TTC34: variants seen among roughly 807,000 people sequenced by gnomAD.
TTC34 encodes tetratricopeptide repeat domain 34, also known as tetratricopeptide repeat protein 34.
In TTC34, 44 loss-of-function variants were observed where a neutral mutation model predicts 40.7. The ratio of observed to expected loss-of-function variants is 1.08; its 90% CI spans 0.85 to 1.39. The LOEUF (loss-of-function observed/expected upper bound fraction) is 1.39, where lower values mean the gene tolerates loss of function less well. TTC34 is among the 40% of genes most tolerant of loss of function. TTC34 has a pLI of 0.00. For synonymous variants in TTC34, 422 were observed against 398.6 expected (o/e 1.06, Z -0.70); for missense variants, 884 against 838.0 (o/e 1.05, Z -0.68).
chr1:2,696,393 C>A (rs1161542482), intron 6 of TTC34, among the ~76,000 whole-genome samples: 1 of 30,914 alleles, frequency 3.2e-5, no homozygotes, highest in Non-Finnish European at 8.6e-5. Flanking sequence ...GAGCAGCACC[C>A]TACACCCCCA....
chr1:2,649,844 C>T (rs1462870039), intron 6 of TTC34, among the ~76,000 whole-genome samples: 1 of 152,158 alleles, frequency 6.6e-6, no homozygotes, highest in Non-Finnish European at 1.5e-5. Flanking sequence ...TGGCACCTCA[C>T]ACCCTCAGGT....
chr1:2,754,948 GAGCATCTGACCGCCTGGAA>G (rs1641457092), intron 6 of TTC34, among the ~76,000 whole-genome samples: 1 of 66,674 alleles, frequency 1.5e-5, no homozygotes, highest in African/African-American at 1.4e-4. Context: ...ACACCCAGGT[GAGCATCTGACCGCCTGGAA>G]CAGCACCCAC....
In TTC34 at chr1:2,794,863, C is replaced by A. The variant is rs150024764; in HGVS notation, c.785-4517G>T. ...CTGCAATGATAATATGTTCTTTATTCCATTAATTATTAATGTAGTGAATTA... is the reference window on the plus strand; with the variant it reads ...CTGCAATGATAATATGTTCTTTATTACATTAATTATTAATGTAGTGAATTA... On this transcript the variant is annotated intron_variant, in intron 2 of 8. Coordinates refer to ENST00000401095, the Ensembl canonical transcript of TTC34. Among the ~76,000 whole-genome samples, 541 of 152,094 alleles carry A rather than the reference C, an allele frequency of 3.6e-3. 4 individuals are homozygous for A. The highest frequency in any genetic ancestry group is 6.3e-3 in the Admixed American group (97 of 15,290).
At chr1:2,673,459 T>C (rs1426253995) in intron 6 of TTC34, among the ~76,000 whole-genome samples, 4 of 79,602 alleles carry the variant, frequency 5.0e-5, no homozygotes, top group African/African-American at 1.8e-4. Context: ...TCTGACAGCC[T>C]GGAACAGAAC....
intron 6 of TTC34, among the ~76,000 whole-genome samples, chr1:2,698,959 A>C (rs570952131): frequency 1.6e-5 from 2 of 126,714 alleles, no homozygotes; most frequent in South Asian, 2.6e-4. Context: ...AGCCTGGAAC[A>C]TCACCCTGCC....
rs1641491114 is a variant in TTC34, at chr1:2,755,955, G to A, written c.2226+27654C>T. Among the ~76,000 whole-genome samples, 2 of 79,608 alleles carry A rather than the reference G, an allele frequency of 2.5e-5. 1 individual carries two copies. 52.2% of individuals were successfully genotyped at this position (79,608 alleles called of 152,430 possible). ...AGCAGCACCCTGCACCCCCAGGTGA[G>A]GATCTGACAGCCTGGAACAGCACCC... On this transcript the variant is annotated intron_variant, in intron 6 of 8. Coordinates refer to ENST00000401095, the Ensembl canonical transcript of TTC34.
At position 2,687,258 on chromosome 1, in the gene TTC34, T is replaced by C. The variant is rs1364848084; in HGVS notation, c.2227-41695A>G. On this transcript the variant is annotated intron_variant, in intron 6 of 8. Coordinates refer to ENST00000401095, the Ensembl canonical transcript of TTC34. The stretch of plus-strand genomic sequence containing the variant: ...CAGCACCCACACCCCCAGGTGCGCA[T>C]CTGATGGTCTGGAGCAGCACCCACA... Among the ~76,000 whole-genome samples the C allele has an allele frequency of 5.4e-5, 7 of 129,736 alleles. 2 individuals are homozygous for C. Among genetic ancestry groups the C allele is most frequent in the African/African-American group, 2.4e-4 (7 of 28,738 alleles). 85.1% of individuals were successfully genotyped at this position (129,736 alleles called of 152,430 possible).
At chr1:2,787,105 G>A (rs949251464) in intron 4 of TTC34, among the ~76,000 whole-genome samples, 1 of 152,200 alleles carries the variant, frequency 6.6e-6, no homozygotes, top group Non-Finnish European at 1.5e-5. Flanking sequence ...CCACCCCAAG[G>A]CAGGGTTGCA....
intron 6 of TTC34, among the ~76,000 whole-genome samples, chr1:2,652,915 C>A (rs1188259446): frequency 6.6e-6 from 1 of 152,048 alleles, no homozygotes. Context: ...GAGTCTGGAG[C>A]AGCGCCCACA....
intron 6 of TTC34, among the ~76,000 whole-genome samples, chr1:2,649,088 C>T (rs553225128): frequency 4.0e-5 from 6 of 150,688 alleles, no homozygotes; most frequent in Admixed American, 3.3e-4. Context: ...CTTCCACCCC[C>T]AGGTGAGCAT....
rs528745798 is a variant in TTC34, at chr1:2,684,132, G to A, written c.2227-38569C>T. On this transcript the variant is annotated intron_variant, in intron 6 of 8. Transcript: ENST00000401095. ...CACCCACACCCTCAGGTGAGCATCT[G>A]ACAGACTGGAACAGCAACCACACCC... Among the ~76,000 whole-genome samples the A allele has an allele frequency of 2.4e-4, 36 of 151,986 alleles. No individual in the cohort carries two copies. The South Asian group carries it at 6.6e-3, about 28-fold the overall frequency.
At chr1:2,786,315 G>A (rs1643588551) in intron 4 of TTC34, among the ~76,000 whole-genome samples, 1 of 152,250 alleles carries the variant, frequency 6.6e-6, no homozygotes, top group African/African-American at 2.4e-5. Context: ...ATGAGCCTGG[G>A]AGCTTCTGCC....
At chr1:2,655,593 G>C (rs1410933082) in intron 6 of TTC34, among the ~76,000 whole-genome samples, 7 of 138,540 alleles carry the variant, frequency 5.1e-5, no homozygotes, top group Non-Finnish European at 4.6e-5. Flanking sequence ...GCATCTGACA[G>C]CCTGGAACAG....
At chr1:2,755,489 G>C (rs1418062658) in intron 6 of TTC34, among the ~76,000 whole-genome samples, 6 of 76,510 alleles carry the variant, frequency 7.8e-5, no homozygotes, top group African/African-American at 5.5e-4. Flanking sequence ...ACATCGTGGA[G>C]TAGCACCCCA....
At chr1:2,801,213 G>C (rs1199753027) in intron 1 of TTC34, among the ~76,000 whole-genome samples, 1 of 152,074 alleles carries the variant, frequency 6.6e-6, no homozygotes, top group African/African-American at 2.4e-5. Context: ...CCAGCAATAG[G>C]AACCCCGGAC....
At chr1:2,684,412 G>C (rs1161037438) in intron 6 of TTC34, among the ~76,000 whole-genome samples, 1 of 150,746 alleles carries the variant, frequency 6.6e-6, no homozygotes, top group African/African-American at 2.5e-5. Flanking sequence ...GTGAGCATCT[G>C]ACAGACTGGA....
At chr1:2,749,451 TGAGCA>T (rs1641245904) in intron 6 of TTC34, among the ~76,000 whole-genome samples, 49 of 79,708 alleles carry the variant, frequency 6.1e-4, no homozygotes, top group African/African-American at 1.5e-3. Context: ...CACCCCCAGG[TGAGCA>T]TCTGACGGCC....
At chr1:2,756,932 G>A (rs1641526050) in intron 6 of TTC34, among the ~76,000 whole-genome samples, 1,162 of 125,460 alleles carry the variant, frequency 9.3e-3, no homozygotes, top group South Asian at 0.018. Context: ...TGACAGCCTG[G>A]AACAGAACCC....
In TTC34 at chr1:2,645,522, G is replaced by C. The variant is rs1360742788; in HGVS notation, c.2268C>G (p.Pro756=). The C allele has an allele frequency of 7.4e-6, 11 of 1,494,498 alleles. No individual in the cohort carries two copies. The South Asian group carries it at 1.4e-4, about 19-fold the overall frequency. 92.6% of individuals were successfully genotyped at this position (1,494,498 alleles called of 1,614,324 possible). A position where few individuals can be genotyped will look rare whatever the true frequency, so the allele number is the denominator to read the frequency against. The stretch of plus-strand genomic sequence containing the variant: ...AGCGGAGCTCAGGGACCACAGTCCC[G>C]GGGCCGAGCTTCAGAGCAGAGACGA... The change falls in exon 7 of 9, where the codon CCC becomes CCG. Residue 756 remains proline, a synonymous_variant. Transcript: ENST00000401095. This position sits in a 1 kb window ranked among gnomAD's most constrained non-coding sequence, Gnocchi z 4.7.
Sources: allele counts gnomAD v4.1 joint callset (sites outside exome capture counted in the v4.1 genomes callset), GRCh38; gene constraint gnomAD v4.1.1; non-coding constraint Gnocchi (gnomAD v3.1); transcripts MANE v1.5; gene names NCBI Gene and HGNC (gene_info 2026-07-23, HGNC 2026-07-21).